Variants in XPR1 observed in about 807,000 individuals in gnomAD.
XPR1 encodes xenotropic and polytropic retrovirus receptor 1.
Under a neutral mutation model 87.5 loss-of-function variants are expected in XPR1, and 28 were observed. The ratio of observed to expected loss-of-function variants is 0.32; its 90% CI spans 0.24 to 0.44. The LOEUF is 0.44. Among genes scored for constraint, XPR1 ranks in the 20% least tolerant of loss-of-function variants. The pLI is 1.00. For synonymous variants in XPR1, 300 were observed against 306.1 expected (o/e 0.98, Z 0.21); for missense variants, 559 against 862.3 (o/e 0.65, Z 4.41).
At chr1:180,862,980 A>C (rs1430887848) in intron 11 of XPR1, among the ~76,000 whole-genome samples, 1 of 152,112 alleles carries the variant, frequency 6.6e-6, no homozygotes, top group Non-Finnish European at 1.5e-5. Flanking sequence ...GTATAACTAT[A>C]TTTGTGAATC....
intron 2 of XPR1, among the ~76,000 whole-genome samples, chr1:180,706,612 CT>C (rs569529515): frequency 2.3e-3 from 338 of 144,478 alleles, no homozygotes; most frequent in Admixed American, 2.4e-3. Context: ...GACACAGAAG[CT>C]TTTTTTTTTT....
intron 2 of XPR1, among the ~76,000 whole-genome samples, chr1:180,728,152 A>T (rs1336487513): frequency 6.6e-6 from 1 of 152,150 alleles, no homozygotes; most frequent in African/African-American, 2.4e-5. Context: ...TTTACATTTA[A>T]TATGTATTCA....
chr1:180,654,606 A>G (rs1335487942), intron 1 of XPR1, among the ~76,000 whole-genome samples: 1 of 151,966 alleles, frequency 6.6e-6, no homozygotes, highest in East Asian at 1.9e-4. Flanking sequence ...CCACCATTCT[A>G]CTTTCTGTCT....
chr1:180,664,127 C>G (rs899524537), intron 1 of XPR1, among the ~76,000 whole-genome samples: 1 of 152,178 alleles, frequency 6.6e-6, no homozygotes, highest in African/African-American at 2.4e-5. Flanking sequence ...AGTGCTCTTT[C>G]CTACTGTCGA....
chr1:180,852,136 G>C (rs1037105660), intron 11 of XPR1, among the ~76,000 whole-genome samples: 1 of 151,864 alleles, frequency 6.6e-6, no homozygotes, highest in African/African-American at 2.4e-5. Context: ...TATTGTATAG[G>C]GTATAAGGTG....
At chr1:180,691,689 T>C (rs1272355593) in intron 2 of XPR1, among the ~76,000 whole-genome samples, 1 of 152,188 alleles carries the variant, frequency 6.6e-6, no homozygotes, top group Non-Finnish European at 1.5e-5. Context: ...GGTTAGCAGA[T>C]GTGTTACAGT....
intron 1 of XPR1, among the ~76,000 whole-genome samples, chr1:180,656,937 C>G (rs906450158): frequency 1.3e-5 from 2 of 151,768 alleles, no homozygotes; most frequent in African/African-American, 4.8e-5. Flanking sequence ...AGTGGATGTA[C>G]TAATTTACAT....
rs550165599 is a variant in XPR1 at position 180,649,785 on chromosome 1, TTTAA to T, written c.69+17520_69+17523del. 2.3e-3 allele frequency among the ~76,000 whole-genome samples: 351 copies of T among 152,310 alleles called. 3 individuals are homozygous for T. The highest frequency in any genetic ancestry group is 7.1e-3 in the East Asian group (37 of 5,180). On this transcript the variant is annotated intron_variant, in intron 1 of 14. Coordinates refer to ENST00000367590, the MANE Select transcript of XPR1 (RefSeq NM_004736.4). ...GTATCCCTGAGTCCTTCCTCCATCC[TTTAA>T]TTAACTGCAGGCTCCTGGATATAGT... is the stretch of plus-strand genomic sequence containing the variant.
chr1:180,859,566 A>G (rs888091281), intron 11 of XPR1, among the ~76,000 whole-genome samples: 1 of 152,186 alleles, frequency 6.6e-6, no homozygotes, highest in African/African-American at 2.4e-5. Context: ...GGAGAGAGGC[A>G]TTCTTCACTT....
chr1:180,681,638 T>A (rs1656581541), intron 1 of XPR1, among the ~76,000 whole-genome samples: 1 of 152,146 alleles, frequency 6.6e-6, no homozygotes. Flanking sequence ...AGAGCAAGAC[T>A]AAATAAATAA....
Position 180,824,892 on chromosome 1 carries a change from C to T in XPR1, c.903C>T (p.Leu301=), listed in dbSNP as rs538001753. 2.9e-5 allele frequency: 47 copies of T among 1,613,884 alleles called. No homozygotes were observed. The South Asian group carries it at 4.5e-4, about 15-fold the overall frequency. ...GWRQAGVNHV[L]IFELNPRSNL... is the part of the protein sequence containing the mutation. ...GACAGGCTGGAGTAAACCATGTACT[C>T]ATCTTTGAACTTAATCCGAGAAGCA... The change falls in exon 8 of 15, where the codon CTC becomes CTT. Residue 301 remains leucine (L), a synonymous_variant. Transcript: ENST00000367590.
chr1:180,641,664 G>GA (rs767985466), intron 1 of XPR1, among the ~76,000 whole-genome samples: 59 of 152,196 alleles, frequency 3.9e-4, no homozygotes, highest in Non-Finnish European at 6.8e-4. Flanking sequence ...GTGGGTATCT[G>GA]ATTTTAGTTC....
At chr1:180,678,593 T>C (rs1469972630) in intron 1 of XPR1, among the ~76,000 whole-genome samples, 1 of 152,230 alleles carries the variant, frequency 6.6e-6, no homozygotes, top group African/African-American at 2.4e-5. Flanking sequence ...ATTAAAAATT[T>C]TTGTACATCA....
intron 2 of XPR1, among the ~76,000 whole-genome samples, chr1:180,684,642 T>C (rs1213656373): frequency 2.0e-5 from 3 of 152,184 alleles, no homozygotes; most frequent in Non-Finnish European, 4.4e-5. Context: ...CTTCCATTTT[T>C]TTGTATCCTC....
At chr1:180,800,909 ACT>A (rs1571850661) in intron 3 of XPR1, among the ~76,000 whole-genome samples, 1 of 151,946 alleles carries the variant, frequency 6.6e-6, no homozygotes, top group Non-Finnish European at 1.5e-5. Flanking sequence ...AGAGGTAGTG[ACT>A]CTCTGTTGTA....
At chr1:180,723,968 A>T (rs1228525040) in intron 2 of XPR1, among the ~76,000 whole-genome samples, 1 of 152,086 alleles carries the variant, frequency 6.6e-6, no homozygotes, top group Non-Finnish European at 1.5e-5. Context: ...TTCTTTTTGC[A>T]AACAAAGATG....
chr1:180,801,320 C>G (rs1327452484), intron 3 of XPR1, among the ~76,000 whole-genome samples: 1 of 152,160 alleles, frequency 6.6e-6, no homozygotes, highest in Non-Finnish European at 1.5e-5. Flanking sequence ...TTCTGGGCCC[C>G]CTCAGGGGGA....
chr1:180,751,631 G>A (rs1448661774), intron 2 of XPR1, among the ~76,000 whole-genome samples: 1 of 152,076 alleles, frequency 6.6e-6, no homozygotes, highest in African/African-American at 2.4e-5. Context: ...CAATAAAAGG[G>A]AATTCAAACC....
At chr1:180,738,693 T>TTA (rs1658815852) in intron 2 of XPR1, among the ~76,000 whole-genome samples, 1 of 152,218 alleles carries the variant, frequency 6.6e-6, no homozygotes, top group Non-Finnish European at 1.5e-5. Context: ...TTGCCATTAG[T>TTA]ATTTCCCAGT....
Sources: allele counts gnomAD v4.1 joint callset (sites outside exome capture counted in the v4.1 genomes callset), GRCh38; gene constraint gnomAD v4.1.1; transcripts MANE v1.5; gene names NCBI Gene and HGNC (gene_info 2026-07-23, HGNC 2026-07-21).